GBE1: variants seen among roughly 807,000 people sequenced by gnomAD.
GBE1 encodes 1,4-alpha-glucan-branching enzyme.
In GBE1, 70 loss-of-function variants were observed where a neutral mutation model predicts 88.8. The observed-to-expected ratio is 0.79, with a 90% CI of 0.65 to 0.96. GBE1 has a LOEUF of 0.96. Among genes scored for constraint, GBE1 ranks in the 40% least tolerant of loss-of-function variants. GBE1 has a pLI of 0.00. For synonymous variants in GBE1, 284 were observed against 300.1 expected (o/e 0.95, Z 0.56); for missense variants, 872 against 871.0 (o/e 1.00, Z -0.01).
At chr3:81,598,934 T>C (rs1703994887) in intron 7 of GBE1, among the ~76,000 whole-genome samples, 3 of 152,132 alleles carry the variant, frequency 2.0e-5, no homozygotes, top group South Asian at 4.1e-4. Flanking sequence ...TGTAAATTAA[T>C]ATATTGTTTA....
At chr3:81,545,614 A>ATATG (rs1665632820) in intron 12 of GBE1, among the ~76,000 whole-genome samples, 1 of 149,648 alleles carries the variant, frequency 6.7e-6, no homozygotes, top group Non-Finnish European at 1.5e-5. Flanking sequence ...TATCAAGCAT[A>ATATG]TGTGTGTGTG....
rs1372434908 is a variant in GBE1, at chr3:81,535,265, G to A, written c.1864C>T (p.Leu622Phe). 5 of 1,611,328 alleles carry A rather than the reference G, an allele frequency of 3.1e-6. No individual in the cohort carries two copies. The African/African-American group carries it at 6.7e-5, about 22-fold the overall frequency. The part of the protein sequence containing the change: ...KIIAFERAGL[L>F]FIFNFHPSKS... ...CTTGGATGGAAGTTGAAAATGAAAA[G>A]AAGACCTGCTCTTTCAAAAGCAATG... The change falls in exon 14 of 16, where the codon CTT (leucine) becomes TTT (phenylalanine). Residue 622 changes from leucine to phenylalanine, a missense_variant. Physicochemically the swap from Leu to Phe is conservative, Grantham distance 22 (BLOSUM62 0). Coordinates refer to ENST00000429644, the MANE Select transcript of GBE1 (RefSeq NM_000158.4).
rs571038809 is a variant in GBE1, at chr3:81,581,549, T to C, written c.1336-274A>G. Among the ~76,000 whole-genome samples, 5 of 152,140 alleles carry C rather than the reference T, an allele frequency of 3.3e-5. No homozygotes were observed. In the South Asian group the frequency reaches 1.0e-3, roughly 32 times the overall value. ...TTTAATCATTATATTTTAGGATCTTTGCAACTATTTTTCTGTAATAACTGC... is the reference window on the plus strand; with the variant it reads ...TTTAATCATTATATTTTAGGATCTTCGCAACTATTTTTCTGTAATAACTGC... On this transcript the variant is annotated intron_variant, in intron 10 of 15. Coordinates refer to ENST00000429644, the MANE Select transcript of GBE1 (RefSeq NM_000158.4).
In GBE1 at chr3:81,580,468, G is replaced by A. The variant is rs145391056; in HGVS notation, c.1446+697C>T. Among the ~76,000 whole-genome samples, 42 of 152,156 alleles carry A rather than the reference G, an allele frequency of 2.8e-4. 2 individuals carry two copies. In the South Asian group the frequency reaches 4.8e-3, roughly 17 times the overall value. On this transcript the variant is annotated intron_variant, in intron 11 of 15. Coordinates refer to ENST00000429644, the MANE Select transcript of GBE1 (RefSeq NM_000158.4). The stretch of plus-strand genomic sequence containing the variant: ...GTAGGAACTTCCCAGATGCAGATGC[G>A]TGGGGAAAAGCACAAGATTGGAAAA...
Position 81,688,245 on chromosome 3 carries a change from T to C in GBE1, c.313+17199A>G, listed in dbSNP as rs1430909109. On this transcript the variant is annotated intron_variant, in intron 2 of 15. Coordinates refer to ENST00000429644, the MANE Select transcript of GBE1 (RefSeq NM_000158.4). ...AAGTAGCCTAAACCTACATCTACCA[T>C]AGCACTTACTAACTACACTTAATAC... 2.0e-5 allele frequency among the ~76,000 whole-genome samples: 3 copies of C among 152,228 alleles called. No individual in the cohort carries two copies. The East Asian group carries it at 5.8e-4, about 29-fold the overall frequency.
chr3:81,626,655 C>A (rs892953620), intron 7 of GBE1, among the ~76,000 whole-genome samples: 3 of 149,196 alleles, frequency 2.0e-5, no homozygotes, highest in African/African-American at 5.0e-5. Context: ...GTGGCTAGAG[C>A]GTAGTAAGCA....
At chr3:81,549,370 C>T (rs1703245938) in intron 12 of GBE1, among the ~76,000 whole-genome samples, 1 of 151,374 alleles carries the variant, frequency 6.6e-6, no homozygotes, top group South Asian at 2.1e-4. Context: ...TGCATAAGTG[C>T]AATAAGAATC....
chr3:81,629,719 T>TATG (rs1228651514), intron 7 of GBE1, among the ~76,000 whole-genome samples: 1 of 151,824 alleles, frequency 6.6e-6, no homozygotes, highest in Non-Finnish European at 1.5e-5. Context: ...ATATATTTTT[T>TATG]ATTATTATTA....
chr3:81,493,409 C>A (rs532261058), intron 15 of GBE1, among the ~76,000 whole-genome samples: 2 of 152,140 alleles, frequency 1.3e-5, no homozygotes, highest in South Asian at 4.2e-4. Flanking sequence ...TCTACTGTTT[C>A]ATTCATAACC....
intron 14 of GBE1, among the ~76,000 whole-genome samples, chr3:81,529,674 C>T (rs757731085): frequency 1.3e-5 from 2 of 151,984 alleles, no homozygotes; most frequent in African/African-American, 2.4e-5. Flanking sequence ...GATAAGTATG[C>T]GGCTAGATGT....
At chr3:81,691,284 T>A (rs1705516089) in intron 2 of GBE1, among the ~76,000 whole-genome samples, 1 of 152,168 alleles carries the variant, frequency 6.6e-6, no homozygotes, top group Non-Finnish European at 1.5e-5. Context: ...TTCCTCACCC[T>A]GTGAAGAGGA....
intron 1 of GBE1, among the ~76,000 whole-genome samples, chr3:81,709,433 C>T (rs1705823962): frequency 6.6e-6 from 1 of 150,444 alleles, no homozygotes; most frequent in African/African-American, 2.5e-5. Context: ...CAGTGTGGAA[C>T]AATCAACAAA....
chr3:81,675,860 C>G (rs1705244697), intron 2 of GBE1, among the ~76,000 whole-genome samples: 1 of 151,862 alleles, frequency 6.6e-6, no homozygotes, highest in Non-Finnish European at 1.5e-5. Flanking sequence ...TAAAGAAAAC[C>G]TGATACAGTT....
At chr3:81,510,029 G>C (rs2106826459) in intron 14 of GBE1, among the ~76,000 whole-genome samples, 1 of 152,122 alleles carries the variant, frequency 6.6e-6, no homozygotes, top group African/African-American at 2.4e-5. Context: ...AGTTGACATG[G>C]ATACATGATT....
At chr3:81,736,113 G>A (rs2107210478) in intron 1 of GBE1, among the ~76,000 whole-genome samples, 1 of 152,246 alleles carries the variant, frequency 6.6e-6, no homozygotes, top group South Asian at 2.1e-4. Flanking sequence ...ATCCCAGTAA[G>A]ATTTCCCAGC....
chr3:81,650,731 C>T (rs998889128), intron 3 of GBE1, among the ~76,000 whole-genome samples: 3 of 152,176 alleles, frequency 2.0e-5, no homozygotes, highest in Admixed American at 6.5e-5. Flanking sequence ...GTGGTGCGAT[C>T]GCAGCTCACT....
chr3:81,549,918 G>A (rs1042211124), intron 12 of GBE1, among the ~76,000 whole-genome samples: 4 of 151,354 alleles, frequency 2.6e-5, no homozygotes, highest in African/African-American at 9.7e-5. Context: ...TAGTCTCATC[G>A]GTTGTTTTTG....
At chr3:81,749,428 A>G (rs759898524) in intron 1 of GBE1, among the ~76,000 whole-genome samples, 3 of 152,152 alleles carry the variant, frequency 2.0e-5, no homozygotes, top group Non-Finnish European at 2.9e-5. Context: ...TGCAAACCAT[A>G]TAACTCACTG....
chr3:81,612,219 TTAAA>T, intron 7 of GBE1: 3 of 280,404 alleles, frequency 1.1e-5, no homozygotes, highest in South Asian at 2.9e-5. Context: ...CCACGCTCCT[TTAAA>T]AAAAAAAAAA....
Sources: gnomAD v4.1 joint callset for allele counts (sites outside exome capture counted in the v4.1 genomes callset) on GRCh38, gnomAD v4.1.1 for gene constraint, MANE v1.5 for transcripts, NCBI Gene and HGNC (gene_info 2026-07-23, HGNC 2026-07-21) for gene names.